GPC5: variants seen among roughly 807,000 people sequenced by gnomAD.
The protein encoded by GPC5 is glypican-5.
In GPC5, 47 loss-of-function variants were observed where a neutral mutation model predicts 53.9. That is an observed-to-expected ratio of 0.87 (90% CI 0.69 to 1.11). The LOEUF is 1.11. Among genes scored for constraint, GPC5 ranks in the 50% most tolerant of loss-of-function variants. GPC5 has a pLI of 0.00. For missense variants in GPC5, 748 were observed against 713.1 expected (o/e 1.05, Z -0.56); for synonymous variants, 286 against 263.3 (o/e 1.09, Z -0.84).
chr13:91,722,505 T>C (rs2036495569), intron 3 of GPC5, among the ~76,000 whole-genome samples: 1 of 152,206 alleles, frequency 6.6e-6, no homozygotes, highest in Non-Finnish European at 1.5e-5. Context: ...GGTGGTTTAA[T>C]ATATAGGAAT....
chr13:91,656,792 A>C (rs1374240230), intron 2 of GPC5, among the ~76,000 whole-genome samples: 1 of 152,224 alleles, frequency 6.6e-6, no homozygotes, highest in Non-Finnish European at 1.5e-5. Context: ...TTCTCCTGCT[A>C]TACCAATTGT....
chr13:92,287,577 A>T (rs12427531), intron 7 of GPC5, among the ~76,000 whole-genome samples: 7 of 152,162 alleles, frequency 4.6e-5, no homozygotes, highest in Admixed American at 4.6e-4. Flanking sequence ...TTGATGAATC[A>T]GTAGCTTAAA....
chr13:91,475,714 G>A lies in GPC5; in HGVS notation c.325+26792G>A, dbSNP rs887822171. On this transcript the variant is annotated intron_variant, in intron 2 of 7. Coordinates refer to ENST00000377067, the MANE Select transcript of GPC5 (RefSeq NM_004466.6). Reference sequence around the variant, plus strand: ...TGAAGGGGAGGCAGCTACTTCAGAGGACTCTTCTTACAGTTGTTGGCAGGA... The same window carrying A: ...TGAAGGGGAGGCAGCTACTTCAGAGAACTCTTCTTACAGTTGTTGGCAGGA... 3.9e-5 allele frequency among the ~76,000 whole-genome samples: 6 copies of A among 152,276 alleles called. No individual in the cohort carries two copies. In the East Asian group the frequency reaches 1.2e-3, roughly 29 times the overall value.
At chr13:92,047,822 A>AAG (rs1555306893) in intron 6 of GPC5, among the ~76,000 whole-genome samples, 1 of 150,376 alleles carries the variant, frequency 6.6e-6, no homozygotes, top group Non-Finnish European at 1.5e-5. Context: ...AAAAAAAAAA[A>AAG]AAAAAGAAAA....
At chr13:91,452,183 C>T (rs1414574490) in intron 2 of GPC5, among the ~76,000 whole-genome samples, 1 of 151,780 alleles carries the variant, frequency 6.6e-6, no homozygotes, top group Non-Finnish European at 1.5e-5. Context: ...AGGGTTTTGC[C>T]CTGTTGCCCC....
chr13:92,155,562 A>T (rs1280691981), intron 7 of GPC5, among the ~76,000 whole-genome samples: 1 of 151,980 alleles, frequency 6.6e-6, no homozygotes, highest in Non-Finnish European at 1.5e-5. Flanking sequence ...CCTCAGGAGC[A>T]CCTATTTTTC....
chr13:92,790,345 AG>A (rs1337822889), intron 7 of GPC5, among the ~76,000 whole-genome samples: 1 of 152,190 alleles, frequency 6.6e-6, no homozygotes, highest in Non-Finnish European at 1.5e-5. Flanking sequence ...ATAATTTTGA[AG>A]AAAAATGTGC....
chr13:91,864,515 C>T (rs2138918335), intron 5 of GPC5, among the ~76,000 whole-genome samples: 1 of 152,186 alleles, frequency 6.6e-6, no homozygotes, highest in South Asian at 2.1e-4. Flanking sequence ...GAACTGGACC[C>T]ATGTAGCAAC....
At chr13:92,800,499 A>G (rs544147329) in intron 7 of GPC5, among the ~76,000 whole-genome samples, 1 of 151,918 alleles carries the variant, frequency 6.6e-6, no homozygotes, top group Admixed American at 6.6e-5. Context: ...TTGTGGTAAA[A>G]GCATTCTTAA....
At chr13:91,503,423 T>A (rs1039952216) in intron 2 of GPC5, among the ~76,000 whole-genome samples, 1 of 152,084 alleles carries the variant, frequency 6.6e-6, no homozygotes, top group African/African-American at 2.4e-5. Flanking sequence ...AAAAGACTTT[T>A]AAAAACCCAG....
At chr13:92,703,815 C>A (rs1887848091) in intron 7 of GPC5, among the ~76,000 whole-genome samples, 1 of 151,602 alleles carries the variant, frequency 6.6e-6, no homozygotes, top group East Asian at 1.9e-4. Context: ...TAAATATAGT[C>A]CTGGGAATAT....
At chr13:91,719,454 T>G (rs990221338) in intron 3 of GPC5, among the ~76,000 whole-genome samples, 1 of 152,236 alleles carries the variant, frequency 6.6e-6, no homozygotes, top group Non-Finnish European at 1.5e-5. Context: ...TGATTTCTTC[T>G]GCCTTCTCAA....
intron 2 of GPC5, among the ~76,000 whole-genome samples, chr13:91,691,805 C>A (rs2035763296): frequency 6.6e-6 from 1 of 152,114 alleles, no homozygotes; most frequent in African/African-American, 2.4e-5. Context: ...TTTTCCTACT[C>A]TTCTTCCACC....
chr13:92,778,046 CTTAAA>C (rs1264404666), intron 7 of GPC5, among the ~76,000 whole-genome samples: 3 of 152,130 alleles, frequency 2.0e-5, no homozygotes, highest in African/African-American at 7.2e-5. Flanking sequence ...TATTGGGATG[CTTAAA>C]TTATTTTCAT....
At chr13:91,986,590 G>A (rs2040410512) in intron 6 of GPC5, among the ~76,000 whole-genome samples, 2 of 152,054 alleles carry the variant, frequency 1.3e-5, no homozygotes, top group African/African-American at 4.8e-5. Context: ...CTCCTATAGT[G>A]AGCACCTCAC....
chr13:92,824,982 T>C (rs1053286224), intron 7 of GPC5, among the ~76,000 whole-genome samples: 1 of 152,124 alleles, frequency 6.6e-6, no homozygotes, highest in Non-Finnish European at 1.5e-5. Flanking sequence ...AAATAAAACT[T>C]TTAAAAATTT....
intron 6 of GPC5, among the ~76,000 whole-genome samples, chr13:92,116,696 T>C (rs1326069592): frequency 1.3e-5 from 2 of 152,208 alleles, no homozygotes; most frequent in African/African-American, 2.4e-5. Flanking sequence ...GAAAGTTCAG[T>C]TGTTCTGCAT....
intron 2 of GPC5, among the ~76,000 whole-genome samples, chr13:91,474,877 A>C (rs655169): frequency 5.9e-5 from 9 of 151,950 alleles, no homozygotes; most frequent in African/African-American, 2.2e-4. Flanking sequence ...TTGGATATTT[A>C]CTATGGGTGA....
Position 91,423,710 on chromosome 13 carries a change from A to G in GPC5, c.163+24501A>G, listed in dbSNP as rs1316369051. The stretch of plus-strand genomic sequence containing the variant: ...GTATTGTGTATTTCAAAATTGGGAA[A>G]AGAGTGGATTTTAAATATTCTCACC... On this transcript the variant is annotated intron_variant, in intron 1 of 7. Transcript: ENST00000377067. Among the ~76,000 whole-genome samples the G allele has an allele frequency of 3.3e-5, 5 of 152,188 alleles. No individual in the cohort carries two copies. The South Asian group carries it at 6.2e-4, about 19-fold the overall frequency.
Sources: allele counts gnomAD v4.1 joint callset (sites outside exome capture counted in the v4.1 genomes callset), GRCh38; gene constraint gnomAD v4.1.1; transcripts MANE v1.5; gene names NCBI Gene and HGNC (gene_info 2026-07-23, HGNC 2026-07-21).